Variants in ZDHHC2 observed in about 807,000 individuals in gnomAD.
ZDHHC2 encodes the protein zDHHC palmitoyltransferase 2.
Under a neutral mutation model 55.6 loss-of-function variants are expected in ZDHHC2, and 51 were observed. The observed-to-expected ratio is 0.92, with a 90% CI of 0.73 to 1.16. The LOEUF (loss-of-function observed/expected upper bound fraction) is 1.16, where lower values mean the gene tolerates loss of function less well. Among genes scored for constraint, ZDHHC2 ranks in the 50% most tolerant of loss-of-function variants. The pLI, the probability that ZDHHC2 is intolerant of heterozygous loss-of-function variation, is 0.00. For missense variants in ZDHHC2, 491 were observed against 442.4 expected (o/e 1.11, Z -0.99); for synonymous variants, 199 against 152.9 (o/e 1.30, Z -2.22).
chr8:17,192,831 G>T (rs1179292623), intron 3 of ZDHHC2, among the ~76,000 whole-genome samples: 1 of 152,144 alleles, frequency 6.6e-6, no homozygotes, highest in African/African-American at 2.4e-5. Context: ...TCATTCTTCT[G>T]CATATGGATA....
At chr8:17,209,452 A>T (rs1312298213) in intron 8 of ZDHHC2, among the ~76,000 whole-genome samples, 1 of 152,166 alleles carries the variant, frequency 6.6e-6, no homozygotes, top group Non-Finnish European at 1.5e-5. Context: ...ATACCACTGT[A>T]CTCCACTCTG....
At chr8:17,204,707 A>G (rs1280697986) in intron 6 of ZDHHC2, among the ~76,000 whole-genome samples, 1 of 152,198 alleles carries the variant, frequency 6.6e-6, no homozygotes, top group Middle Eastern at 3.2e-3. Context: ...CAACTAATGG[A>G]TACTAGGCTT....
Position 17,205,748 on chromosome 8 carries a change from T to C in ZDHHC2, c.570T>C (p.Asp190=). 3 of 1,608,260 alleles carry C rather than the reference T, an allele frequency of 1.9e-6. No homozygotes were observed. In the South Asian group the frequency reaches 3.4e-5, roughly 18 times the overall value. ...LLYCLFIAAT[D]LQYFIKFWTN... ...ACTGCCTTTTTATTGCGGCAACAGA[T>C]TTACAGTATTTTATCAAATTTTGGA... The change falls in exon 7 of 13, where the codon GAT becomes GAC. Residue 190 remains aspartate (D), a synonymous_variant. Coordinates refer to ENST00000262096, the MANE Select transcript of ZDHHC2 (RefSeq NM_016353.5).
chr8:17,192,417 C>G (rs903865426), intron 3 of ZDHHC2, among the ~76,000 whole-genome samples: 1 of 152,116 alleles, frequency 6.6e-6, no homozygotes, highest in Admixed American at 6.5e-5. Context: ...CTTTGTGTGT[C>G]GTCTTTTGAG....
rs1807964937 is a variant in ZDHHC2, at chr8:17,222,473, T to G, written c.*2252T>G. On this transcript the variant is annotated 3_prime_UTR_variant, in exon 13 of 13. Transcript: ENST00000262096. Reference sequence around the variant, plus strand: ...TTGAAGACACATACTTCAACTGTCCTTATTGTCCATTAAACTGATAATTTT... The same window carrying G: ...TTGAAGACACATACTTCAACTGTCCGTATTGTCCATTAAACTGATAATTTT... 1 of 151,918 alleles carries G rather than the reference T, an allele frequency of 6.6e-6. No homozygotes were observed. The highest frequency in any genetic ancestry group is 2.4e-5 in the African/African-American group (1 of 41,448). 9.4% of individuals were successfully genotyped at this position (151,918 alleles called of 1,614,324 possible). A position where few individuals can be genotyped will look rare whatever the true frequency, so the allele number is the denominator to read the frequency against.
rs1297662337 is a variant in ZDHHC2 at position 17,199,509 on chromosome 8, T to TTCTTCTTCGTCTTCGTCTTCGTCTTCG, written c.476+1101_476+1102insTTCGTCTTCGTCTTCGTCTTCGTCTTC. Among the ~76,000 whole-genome samples, 162 of 121,136 alleles carry TTCTTCTTCGTCTTCGTCTTCGTCTTCG rather than the reference T, an allele frequency of 1.3e-3. 3 individuals are homozygous for TTCTTCTTCGTCTTCGTCTTCGTCTTCG. Among genetic ancestry groups the TTCTTCTTCGTCTTCGTCTTCGTCTTCG allele is most frequent in the African/African-American group, 5.3e-3 (145 of 27,274 alleles). The allele number at this position is 121,136 out of a possible 152,430, so 79.5% of individuals were successfully genotyped here. On this transcript the variant is annotated intron_variant, in intron 6 of 12. Coordinates refer to ENST00000262096, the MANE Select transcript of ZDHHC2 (RefSeq NM_016353.5). ...CTTCTTCTTCTTCTTCTTCTTCTTCTTCTTCGTCTTCGTCTTCGTCTTCTG... is the reference window on the plus strand; with the variant it reads ...CTTCTTCTTCTTCTTCTTCTTCTTCTTCTTCTTCGTCTTCGTCTTCGTCTTCGTCTTCGTCTTCGTCTTCGTCTTCTG...
intron 6 of ZDHHC2, among the ~76,000 whole-genome samples, chr8:17,204,214 T>A (rs1806974970): frequency 1.3e-5 from 2 of 152,252 alleles, no homozygotes; most frequent in African/African-American, 4.8e-5. Flanking sequence ...AGGGAGATGA[T>A]GTAAACATTT....
chr8:17,224,677 C>T lies in ZDHHC2; in HGVS notation c.*4456C>T, dbSNP rs1808054683. On this transcript the variant is annotated 3_prime_UTR_variant, in exon 13 of 13. Transcript: ENST00000262096. Reference sequence around the variant, plus strand: ...GATACTACAGAATGCGTCAGTTCTCCTGTTGTATTTTTCTCAGTTATGAGA... The same window carrying T: ...GATACTACAGAATGCGTCAGTTCTCTTGTTGTATTTTTCTCAGTTATGAGA... 6.6e-6 allele frequency: 1 copy of T among 151,504 alleles called. No individual in the cohort carries two copies. The highest frequency in any genetic ancestry group is 1.5e-5 in the Non-Finnish European group (1 of 67,692). The allele number at this position is 151,504 out of a possible 1,614,324, so 9.4% of individuals were successfully genotyped here.
At chr8:17,179,810 C>T (rs1805340326) in intron 1 of ZDHHC2, among the ~76,000 whole-genome samples, 1 of 152,148 alleles carries the variant, frequency 6.6e-6, no homozygotes, top group Admixed American at 6.5e-5. Context: ...TTCCTATATA[C>T]CGTCAGGGCC....
intron 1 of ZDHHC2, among the ~76,000 whole-genome samples, chr8:17,168,558 T>C (rs1669641420): frequency 6.6e-6 from 1 of 152,210 alleles, no homozygotes; most frequent in African/African-American, 2.4e-5. Context: ...ATTAAGTACA[T>C]TCAAAATGCT....
intron 12 of ZDHHC2, among the ~76,000 whole-genome samples, 162 bp downstream of exon 12, chr8:17,217,408 T>G (rs1807701150): frequency 6.6e-6 from 1 of 152,126 alleles, no homozygotes; most frequent in South Asian, 2.1e-4. Context: ...GGCTTCTGAG[T>G]GCAGACCTAG....
At chr8:17,201,547 T>C (rs62497331) in intron 6 of ZDHHC2, among the ~76,000 whole-genome samples, 87,122 of 132,848 alleles carry the variant, frequency 0.66, 29,680 homozygotes, top group Non-Finnish European at 0.77. Flanking sequence ...GGCTAGAGTG[T>C]GGTGGTGCGA....
chr8:17,157,032 G>C (rs1440613647), intron 1 of ZDHHC2, among the ~76,000 whole-genome samples, 179 bp downstream of exon 1: 2 of 152,034 alleles, frequency 1.3e-5, no homozygotes, highest in Non-Finnish European at 2.9e-5. Flanking sequence ...CCACGCGCAC[G>C]CCCCTCGCCC....
intron 7 of ZDHHC2, among the ~76,000 whole-genome samples, chr8:17,206,343 C>G (rs1386517668): frequency 6.6e-6 from 1 of 152,056 alleles, no homozygotes; most frequent in Non-Finnish European, 1.5e-5. Context: ...AAATAAGGTG[C>G]GTTTAAGTAG....
chr8:17,164,338 A>T, intron 1 of ZDHHC2, among the ~76,000 whole-genome samples: 1 of 152,124 alleles, frequency 6.6e-6, no homozygotes, highest in Non-Finnish European at 1.5e-5. Context: ...TGCATACTTA[A>T]TGGTAGTTCA....
intron 3 of ZDHHC2, among the ~76,000 whole-genome samples, chr8:17,192,810 T>C (rs1407450276): frequency 6.6e-6 from 1 of 152,248 alleles, no homozygotes; most frequent in Non-Finnish European, 1.5e-5. Flanking sequence ...GCAAGAGATA[T>C]GTGTCTCATT....
chr8:17,215,281 A>G lies in ZDHHC2; in HGVS notation c.995A>G (p.Gln332Arg), dbSNP rs775776773. Reference protein sequence around the residue: ...QFPAKPLRESQSHLLTDSQSW... With the variant: ...QFPAKPLRESRSHLLTDSQSW... ...CCTGCAAAGCCATTGAGAGAGTCCC[A>G]GAGCCACCTTCTTACTGATTCTCAG... Residue 332 changes from glutamine to arginine, a missense_variant, in exon 11 of 13, where the codon CAG becomes CGG. Transcript: ENST00000262096. 1.2e-6 allele frequency: 2 copies of G among 1,602,568 alleles called. No individual in the cohort carries two copies. Among genetic ancestry groups the G allele is most frequent in the South Asian group, 1.1e-5 (1 of 88,324 alleles).
chr8:17,215,342 C>G lies in ZDHHC2; in HGVS notation c.1056C>G (p.Cys352Trp). The change falls in exon 11 of 13, where the codon TGC becomes TGG. Residue 352 changes from cysteine (C) to tryptophan (W), a missense_variant. Transcript: ENST00000262096. ...AGAGCAGCATAAACCCAGGAAAATG[C>G]AAAGCTGGTAAGGGTGTGCTTGTTT... Reference protein sequence around the residue: ...WTESSINPGKCKAGMSNPALT... With the variant: ...WTESSINPGKWKAGMSNPALT... 1 of 1,577,890 alleles carries G rather than the reference C, an allele frequency of 6.3e-7. No individual in the cohort carries two copies. The highest frequency in any genetic ancestry group is 8.6e-7 in the Non-Finnish European group (1 of 1,160,802).
rs1399258804 is a variant in ZDHHC2 at position 17,210,129 on chromosome 8, A to T, written c.857+71A>T. On this transcript the variant is annotated intron_variant, in intron 9 of 12. Transcript: ENST00000262096. Reference sequence around the variant, plus strand: ...TACAGCAAAAGATAGTTTCAGGAAAAGCCTCTAGTTCCATAGGCTTGTAAT... The same window carrying T: ...TACAGCAAAAGATAGTTTCAGGAAATGCCTCTAGTTCCATAGGCTTGTAAT... 2.7e-6 allele frequency: 4 copies of T among 1,497,630 alleles called. No homozygotes were observed. The East Asian group carries it at 7.3e-5, about 27-fold the overall frequency. 92.8% of individuals were successfully genotyped at this position (1,497,630 alleles called of 1,614,324 possible).
Sources: allele counts gnomAD v4.1 joint callset (sites outside exome capture counted in the v4.1 genomes callset), GRCh38; gene constraint gnomAD v4.1.1; transcripts MANE v1.5; gene names NCBI Gene and HGNC (gene_info 2026-07-23, HGNC 2026-07-21).